KCNT2: variants seen among roughly 807,000 people sequenced by gnomAD.
KCNT2 encodes the protein potassium sodium-activated channel subfamily T member 2, also known as potassium channel subfamily T member 2.
Under a neutral mutation model 153.8 loss-of-function variants are expected in KCNT2, and 67 were observed. The ratio of observed to expected loss-of-function variants is 0.44; its 90% confidence interval spans 0.36 to 0.53. KCNT2 has a LOEUF of 0.53. KCNT2 is among the 20% of genes least tolerant of loss of function. The probability of loss-of-function intolerance (pLI) is 0.00; values close to 1 mark genes in which losing one functional copy is unlikely to be tolerated. For missense variants in KCNT2, 975 were observed against 1,354.8 expected (o/e 0.72, Z 4.40); for synonymous variants, 500 against 458.8 (o/e 1.09, Z -1.15).
intron 13 of KCNT2, among the ~76,000 whole-genome samples, chr1:196,392,429 C>T (rs1315166887): frequency 2.0e-5 from 3 of 151,136 alleles, no homozygotes; most frequent in African/African-American, 7.3e-5. Context: ...GAAAATATAA[C>T]AACTCTAAGC....
At position 196,590,220 on chromosome 1, in the gene KCNT2, T is replaced by C. The variant is rs112544948; in HGVS notation, c.95+17995A>G. On this transcript the variant is annotated intron_variant, in intron 1 of 27. Coordinates refer to ENST00000294725, the MANE Select transcript of KCNT2 (RefSeq NM_198503.5). ...TATACTGCTACTTGCCAATCTTTAC[T>C]TTTCCCACACTTTTGACCGAGTATA... 1.5e-3 allele frequency among the ~76,000 whole-genome samples: 236 copies of C among 152,294 alleles called. 2 individuals are homozygous for C. Among genetic ancestry groups the C allele is most frequent in the African/African-American group, 5.5e-3 (228 of 41,576 alleles).
At chr1:196,563,864 C>T (rs750788832) in intron 1 of KCNT2, among the ~76,000 whole-genome samples, 18 of 151,782 alleles carry the variant, frequency 1.2e-4, no homozygotes, top group Non-Finnish European at 2.5e-4. Context: ...AACCTTAACA[C>T]AATAAAGGCC....
chr1:196,468,756 TC>T (rs1216883637), intron 6 of KCNT2, among the ~76,000 whole-genome samples: 1 of 152,060 alleles, frequency 6.6e-6, no homozygotes, highest in Non-Finnish European at 1.5e-5. Flanking sequence ...TCAAATGGCA[TC>T]CCCAGAACAT....
At chr1:196,245,398 T>C (rs1655347377) in intron 26 of KCNT2, among the ~76,000 whole-genome samples, 1 of 152,094 alleles carries the variant, frequency 6.6e-6, no homozygotes, top group South Asian at 2.1e-4. Flanking sequence ...TCAAGAAAGA[T>C]GGGTACACAC....
intron 25 of KCNT2, among the ~76,000 whole-genome samples, chr1:196,264,789 G>A (rs1378673812): frequency 6.6e-6 from 1 of 151,968 alleles, no homozygotes; most frequent in African/African-American, 2.4e-5. Flanking sequence ...GGAGCATCAC[G>A]CCTGGCTAAT....
At chr1:196,587,447 A>T (rs948174040) in intron 1 of KCNT2, among the ~76,000 whole-genome samples, 14 of 152,066 alleles carry the variant, frequency 9.2e-5, no homozygotes, top group African/African-American at 3.4e-4. Context: ...AGTGACATTA[A>T]AGAAGCATAT....
At chr1:196,402,126 T>C (rs1256494543) in intron 12 of KCNT2, among the ~76,000 whole-genome samples, 13 of 151,522 alleles carry the variant, frequency 8.6e-5, no homozygotes, top group Admixed American at 8.6e-4. Flanking sequence ...TGTACTTTCC[T>C]TATTCTAAAA....
intron 22 of KCNT2, among the ~76,000 whole-genome samples, chr1:196,297,279 A>T (rs1054513084): frequency 4.6e-5 from 7 of 152,130 alleles, no homozygotes; most frequent in African/African-American, 1.7e-4. Flanking sequence ...CTAATAATTT[A>T]ATTTTATTAA....
intron 14 of KCNT2, among the ~76,000 whole-genome samples, chr1:196,349,742 A>T (rs1362410215): frequency 6.6e-6 from 1 of 151,930 alleles, no homozygotes; most frequent in East Asian, 1.9e-4. Flanking sequence ...GTTTTAGGGT[A>T]CATGTGCACA....
Position 196,501,849 on chromosome 1 carries a change from T to C in KCNT2, c.96-9508A>G, listed in dbSNP as rs895269920. On this transcript the variant is annotated intron_variant, in intron 1 of 27. Coordinates refer to ENST00000294725, the MANE Select transcript of KCNT2 (RefSeq NM_198503.5). ...AAAGGTAGTTTTGGGCCGGGAGCGA[T>C]GGCTCATGCTTGTAATCCCAGCACT... is the stretch of plus-strand genomic sequence containing the variant. Among the ~76,000 whole-genome samples the C allele has an allele frequency of 2.0e-5, 3 of 152,356 alleles. No individual in the cohort carries two copies. The South Asian group carries it at 6.2e-4, about 32-fold the overall frequency.
intron 23 of KCNT2, among the ~76,000 whole-genome samples, chr1:196,284,248 A>T (rs866682485): frequency 7.0e-4 from 7 of 10,050 alleles, no homozygotes; most frequent in East Asian, 9.1e-3. Context: ...AAAAAAAAAA[A>T]ATATATATAT....
At chr1:196,500,982 C>T (rs996794385) in intron 1 of KCNT2, among the ~76,000 whole-genome samples, 1 of 152,096 alleles carries the variant, frequency 6.6e-6, no homozygotes, top group African/African-American at 2.4e-5. Context: ...CAGAGAAATG[C>T]AAATTAAAAT....
At chr1:196,332,183 G>C (rs1664530618) in intron 17 of KCNT2, among the ~76,000 whole-genome samples, 1 of 152,144 alleles carries the variant, frequency 6.6e-6, no homozygotes, top group Non-Finnish European at 1.5e-5. Flanking sequence ...CGTTGGCTAA[G>C]AGATAAAATT....
intron 14 of KCNT2, among the ~76,000 whole-genome samples, chr1:196,368,999 T>C (rs1668275553): frequency 6.6e-6 from 1 of 152,172 alleles, no homozygotes; most frequent in South Asian, 2.1e-4. Context: ...TCTACACTCA[T>C]ATCTAATCAG....
At chr1:196,549,160 AAAG>A (rs1231093593) in intron 1 of KCNT2, among the ~76,000 whole-genome samples, 1 of 152,022 alleles carries the variant, frequency 6.6e-6, no homozygotes, top group African/African-American at 2.4e-5. Context: ...ATGATAAAAA[AAAG>A]AAGTAAATCC....
At chr1:196,362,496 T>C (rs1572172898) in intron 14 of KCNT2, among the ~76,000 whole-genome samples, 1 of 152,088 alleles carries the variant, frequency 6.6e-6, no homozygotes, top group East Asian at 1.9e-4. Context: ...CTGTCTGGTG[T>C]AGTTCAGATC....
At chr1:196,428,730 A>G (rs1673869791) in intron 9 of KCNT2, among the ~76,000 whole-genome samples, 2 of 152,096 alleles carry the variant, frequency 1.3e-5, no homozygotes, top group South Asian at 4.1e-4. Context: ...GTCAGGAAGA[A>G]AGACATGCAT....
chr1:196,505,305 C>T (rs562908769), intron 1 of KCNT2, among the ~76,000 whole-genome samples: 1 of 152,310 alleles, frequency 6.6e-6, no homozygotes, highest in East Asian at 1.9e-4. Flanking sequence ...CTACATATGG[C>T]TAACCAGTTT....
chr1:196,353,781 C>T lies in KCNT2; in HGVS notation c.1404-11553G>A, dbSNP rs151306601. On this transcript the variant is annotated intron_variant, in intron 14 of 27. Transcript: ENST00000294725. ...AATAAGTAGTTGGATCTGTTTTTTG[C>T]GGAAATGTATTTCAATACAGACCTC... 3.0e-4 allele frequency among the ~76,000 whole-genome samples: 46 copies of T among 151,850 alleles called. 1 individual carries two copies. The highest frequency in any genetic ancestry group is 6.8e-3 in the Middle Eastern group (2 of 292).
Sources: allele counts gnomAD v4.1 joint callset (sites outside exome capture counted in the v4.1 genomes callset), GRCh38; gene constraint gnomAD v4.1.1; transcripts MANE v1.5; gene names NCBI Gene and HGNC (gene_info 2026-07-23, HGNC 2026-07-21).